PTPRG: variants seen among roughly 807,000 people sequenced by gnomAD.
PTPRG encodes protein tyrosine phosphatase receptor type G.
In PTPRG, 102 loss-of-function variants were observed where a neutral mutation model predicts 165.3. The ratio of observed to expected loss-of-function variants is 0.62; its 90% confidence interval spans 0.53 to 0.73. PTPRG has a LOEUF of 0.73. Among genes scored for constraint, PTPRG ranks in the 30% least tolerant of loss-of-function variants. PTPRG has a pLI of 0.00. For missense variants in PTPRG, 1,866 were observed against 1,861.4 expected, an observed-to-expected ratio of 1.00 and a Z score of -0.05; for synonymous variants, 675 against 669.5, an observed-to-expected ratio of 1.01 and a Z score of -0.13.
At chr3:61,831,687 G>T (rs2036299603) in intron 2 of PTPRG, among the ~76,000 whole-genome samples, 1 of 152,144 alleles carries the variant, frequency 6.6e-6, no homozygotes, top group South Asian at 2.1e-4. Context: ...TTAGGAAAAT[G>T]CCAATGACCA....
At chr3:61,709,735 A>G (rs2031456400) in intron 1 of PTPRG, among the ~76,000 whole-genome samples, 2 of 152,106 alleles carry the variant, frequency 1.3e-5, no homozygotes, top group East Asian at 1.9e-4. Flanking sequence ...CCTCTTGACT[A>G]TTACTCCTTC....
rs138887056 is a variant in PTPRG at position 61,883,384 on chromosome 3, G to A, written c.191-106241G>A. On this transcript the variant is annotated intron_variant, in intron 2 of 29. Transcript: ENST00000474889. ...TGTGGTTCTCCACCTGGGGTCTAAC[G>A]GTGCAAAAGTCCTGTCCTCCAGAAA... 5.1e-4 allele frequency among the ~76,000 whole-genome samples: 78 copies of A among 152,112 alleles called. 1 individual carries two copies. The East Asian group carries it at 6.4e-3, about 12-fold the overall frequency.
intron 2 of PTPRG, among the ~76,000 whole-genome samples, chr3:61,900,037 T>A (rs190416482): frequency 3.9e-5 from 6 of 152,324 alleles, no homozygotes; most frequent in African/African-American, 9.6e-5. Flanking sequence ...GTCTGTTTTT[T>A]AAAAAATGTA....
chr3:61,802,113 C>G (rs1001793140), intron 2 of PTPRG, among the ~76,000 whole-genome samples: 2 of 151,738 alleles, frequency 1.3e-5, no homozygotes, highest in African/African-American at 4.9e-5. Flanking sequence ...TATCTTAGCA[C>G]CAAGATACAT....
intron 2 of PTPRG, among the ~76,000 whole-genome samples, chr3:61,786,237 G>A (rs2034697988): frequency 6.6e-6 from 1 of 152,072 alleles, no homozygotes; most frequent in Non-Finnish European, 1.5e-5. Context: ...AATTTGCATT[G>A]GCCAATGGAC....
At chr3:61,953,559 G>T (rs2039949914) in intron 2 of PTPRG, among the ~76,000 whole-genome samples, 2 of 152,166 alleles carry the variant, frequency 1.3e-5, no homozygotes, top group African/African-American at 4.8e-5. Context: ...CAATTAAGCA[G>T]TGTAATAAAT....
chr3:61,642,396 T>C lies in PTPRG; in HGVS notation c.85+80024T>C, dbSNP rs1702091726. The stretch of plus-strand genomic sequence containing the variant: ...CTCTTGAGATCTTCTGTTCTGGTGA[T>C]AGATGCTTGATTCAGGTTTGGAGAG... On this transcript the variant is annotated intron_variant, in intron 1 of 29. Transcript: ENST00000474889. 2.0e-5 allele frequency among the ~76,000 whole-genome samples: 3 copies of C among 152,228 alleles called. No homozygotes were observed. In the South Asian group the frequency reaches 6.2e-4, roughly 31 times the overall value.
At chr3:61,607,018 C>T (rs1701029386) in intron 1 of PTPRG, among the ~76,000 whole-genome samples, 1 of 152,174 alleles carries the variant, frequency 6.6e-6, no homozygotes, top group Non-Finnish European at 1.5e-5. Flanking sequence ...AGGATGAAAG[C>T]CCCCACTTCA....
At chr3:62,202,924 G>T (rs930687230) in intron 11 of PTPRG, among the ~76,000 whole-genome samples, 1 of 152,148 alleles carries the variant, frequency 6.6e-6, no homozygotes. Flanking sequence ...TCAGTGAAAA[G>T]CTGAGTTTGA....
At chr3:61,660,563 G>C (rs1702628171) in intron 1 of PTPRG, among the ~76,000 whole-genome samples, 1 of 152,176 alleles carries the variant, frequency 6.6e-6, no homozygotes. Context: ...ACTTCCCTGA[G>C]CCTCAGTTTC....
At chr3:62,279,940 T>C (rs896526396) in intron 26 of PTPRG, among the ~76,000 whole-genome samples, 8 of 152,088 alleles carry the variant, frequency 5.3e-5, no homozygotes, top group African/African-American at 1.9e-4. Flanking sequence ...TTGGAGCTGA[T>C]TGATTAGGAT....
intron 1 of PTPRG, among the ~76,000 whole-genome samples, chr3:61,667,214 GCCT>G (rs1397630700): frequency 6.6e-6 from 1 of 152,108 alleles, no homozygotes; most frequent in Non-Finnish European, 1.5e-5. Flanking sequence ...AAACTTAAAT[GCCT>G]CCTCAACAAT....
rs576364160 is a variant in PTPRG at position 61,708,678 on chromosome 3, C to T, written c.86-40200C>T. ...TTCACTGTGTTAGCCAGGATGGTCTCGATCTCCTGACCTCATGATCCGCCC... is the reference window on the plus strand; with the variant it reads ...TTCACTGTGTTAGCCAGGATGGTCTTGATCTCCTGACCTCATGATCCGCCC... On this transcript the variant is annotated intron_variant, in intron 1 of 29. Transcript: ENST00000474889. Among the ~76,000 whole-genome samples, 206 of 151,854 alleles carry T rather than the reference C, an allele frequency of 1.4e-3. 6 individuals carry two copies. The highest frequency in any genetic ancestry group is 3.1e-4 in the Non-Finnish European group (21 of 67,922).
intron 6 of PTPRG, among the ~76,000 whole-genome samples, chr3:62,138,916 T>C (rs77523041): frequency 0.012 from 1,764 of 152,276 alleles, 14 homozygotes; most frequent in Middle Eastern, 0.037. Context: ...GCAGGCTGTT[T>C]GTGTACATAC....
At chr3:61,657,750 T>C (rs894914835) in intron 1 of PTPRG, among the ~76,000 whole-genome samples, 1 of 152,224 alleles carries the variant, frequency 6.6e-6, no homozygotes, top group African/African-American at 2.4e-5. Context: ...TTAAAGCAGT[T>C]ATTTACAACT....
At chr3:61,886,316 A>T (rs1367056342) in intron 2 of PTPRG, among the ~76,000 whole-genome samples, 1 of 152,114 alleles carries the variant, frequency 6.6e-6, no homozygotes, top group African/African-American at 2.4e-5. Context: ...ACTTGAGGAG[A>T]CACACAAAAG....
intron 12 of PTPRG, among the ~76,000 whole-genome samples, chr3:62,206,694 A>G (rs1378451221): frequency 7.2e-5 from 11 of 152,066 alleles, no homozygotes; most frequent in African/African-American, 2.7e-4. Context: ...GGACTTTGGG[A>G]GGCCAAGGAG....
chr3:61,840,503 T>A (rs1002625722), intron 2 of PTPRG, among the ~76,000 whole-genome samples: 26 of 152,162 alleles, frequency 1.7e-4, no homozygotes, highest in African/African-American at 6.3e-4. Flanking sequence ...AAGTGTGTAA[T>A]GAGGATGATT....
intron 4 of PTPRG, among the ~76,000 whole-genome samples, chr3:62,030,413 C>T (rs985865119): frequency 6.6e-6 from 1 of 150,990 alleles, no homozygotes; most frequent in African/African-American, 2.4e-5. Flanking sequence ...AAAATATGTA[C>T]ATAAGACTAA....
Sources: allele counts gnomAD v4.1 joint callset (sites outside exome capture counted in the v4.1 genomes callset), GRCh38; gene constraint gnomAD v4.1.1; transcripts MANE v1.5; gene names NCBI Gene and HGNC (gene_info 2026-07-23, HGNC 2026-07-21).